ASTN2: variants seen among roughly 807,000 people sequenced by gnomAD.
ASTN2 encodes astrotactin-2.
A neutral mutation model predicts 139.8 loss-of-function variants in ASTN2; 54 were observed. That is an observed-to-expected ratio of 0.39 (90% CI 0.31 to 0.48). The LOEUF (loss-of-function observed/expected upper bound fraction) is 0.48, where lower values mean the gene tolerates loss of function less well. ASTN2 is among the 20% of genes least tolerant of loss of function. The pLI, the probability that ASTN2 is intolerant of heterozygous loss-of-function variation, is 0.95. For missense variants in ASTN2, 1,565 were observed against 1,725.1 expected (o/e 0.91, Z 1.64); for synonymous variants, 756 against 719.5 (o/e 1.05, Z -0.81).
chr9:116,986,267 T>C (rs1836680496), intron 7 of ASTN2, among the ~76,000 whole-genome samples: 1 of 151,100 alleles, frequency 6.6e-6, no homozygotes, highest in Non-Finnish European at 1.5e-5. Context: ...TTCCTCCTTT[T>C]CTCCTCCCGA....
At chr9:116,971,226 A>G (rs993742297) in intron 10 of ASTN2, among the ~76,000 whole-genome samples, 1 of 152,178 alleles carries the variant, frequency 6.6e-6, no homozygotes, top group African/African-American at 2.4e-5. Context: ...AGTGTCTCAA[A>G]TGCTAAAATC....
At position 116,728,854 on chromosome 9, in the gene ASTN2, C is replaced by T. The variant is rs1405594419; in HGVS notation, c.2626+138G>A. 8 of 694,224 alleles carry T rather than the reference C, an allele frequency of 1.2e-5. No individual in the cohort carries two copies. In the East Asian group the frequency reaches 1.6e-4, roughly 14 times the overall value. The allele number at this position is 694,224 out of a possible 1,614,324, so 43.0% of individuals were successfully genotyped here. ...TCCTGTCCACCCACCCTCCCTAGGA[C>T]TCCTTGATGGCAGAGAGGATGCATC... On this transcript the variant is annotated intron_variant, in intron 15 of 22. Coordinates refer to ENST00000313400, the MANE Select transcript of ASTN2 (RefSeq NM_001365068.1).
rs755452424 is a variant in ASTN2, at chr9:116,423,530, T to G, written c.*2321A>C. Among the ~76,000 whole-genome samples the G allele has an allele frequency of 6.6e-6, 1 of 152,206 alleles. No homozygotes were observed. Among genetic ancestry groups the G allele is most frequent in the Non-Finnish European group, 1.5e-5 (1 of 68,032 alleles). ...ACAATGGAAAGCAACAGCAACCTGATAGCTCTCTGAAAACTTGGGACCCAG... is the reference window on the plus strand; with the variant it reads ...ACAATGGAAAGCAACAGCAACCTGAGAGCTCTCTGAAAACTTGGGACCCAG... On this transcript the variant is annotated 3_prime_UTR_variant, in exon 23 of 23. Transcript: ENST00000313400.
intron 11 of ASTN2, among the ~76,000 whole-genome samples, chr9:116,834,394 A>C (rs943723025): frequency 1.3e-5 from 2 of 152,196 alleles, no homozygotes; most frequent in Non-Finnish European, 2.9e-5. Context: ...GGGGTATTGA[A>C]GTATCCAACC....
At chr9:116,485,895 G>T (rs1849323546) in intron 20 of ASTN2, among the ~76,000 whole-genome samples, 2 of 152,184 alleles carry the variant, frequency 1.3e-5, no homozygotes, top group Admixed American at 1.3e-4. Flanking sequence ...TATCTCAAGT[G>T]TTCAAAAGGG....
chr9:116,913,236 G>T (rs992405220), intron 10 of ASTN2, among the ~76,000 whole-genome samples: 3 of 152,066 alleles, frequency 2.0e-5, no homozygotes, highest in African/African-American at 7.2e-5. Context: ...CTGAGCCTTT[G>T]GTTTCTCATA....
chr9:116,944,487 C>T lies in ASTN2; in HGVS notation c.1889+30721G>A, dbSNP rs1835325997. Among the ~76,000 whole-genome samples the T allele has an allele frequency of 4.0e-5, 6 of 151,840 alleles. No homozygotes were observed. In the South Asian group the frequency reaches 1.3e-3, roughly 32 times the overall value. On this transcript the variant is annotated intron_variant, in intron 10 of 22. Transcript: ENST00000313400. Reference sequence around the variant, plus strand: ...CCTGAGGTCAAAAGTTTGAGACCAGCCTGGCCAACATGGGGAAATCCTGCC... The same window carrying T: ...CCTGAGGTCAAAAGTTTGAGACCAGTCTGGCCAACATGGGGAAATCCTGCC...
intron 19 of ASTN2, among the ~76,000 whole-genome samples, chr9:116,525,731 C>T (rs1394063109): frequency 6.6e-6 from 1 of 152,126 alleles, no homozygotes; most frequent in Non-Finnish European, 1.5e-5. Flanking sequence ...CTTTATCCTG[C>T]AGGTGCCAGC....
intron 10 of ASTN2, among the ~76,000 whole-genome samples, chr9:116,928,985 A>C (rs1312499315): frequency 6.6e-6 from 1 of 152,218 alleles, no homozygotes; most frequent in African/African-American, 2.4e-5. Flanking sequence ...GCAGAATCAA[A>C]ATAAGAATCC....
intron 3 of ASTN2, among the ~76,000 whole-genome samples, chr9:117,201,262 T>C (rs1831707626): frequency 6.6e-6 from 1 of 152,118 alleles, no homozygotes; most frequent in African/African-American, 2.4e-5. Flanking sequence ...GATTCTTCTC[T>C]CTGTTCTTCA....
At position 116,573,089 on chromosome 9, in the gene ASTN2, A is replaced by T. The variant is rs1853589360; in HGVS notation, c.3355+45235T>A. Among the ~76,000 whole-genome samples, 3 of 152,136 alleles carry T rather than the reference A, an allele frequency of 2.0e-5. No individual in the cohort carries two copies. In the South Asian group the frequency reaches 6.2e-4, roughly 32 times the overall value. ...GAACATCCAACAGCCTGCATGGCTA[A>T]TATCGTGGGGTTTGAGAATATACAC... is the stretch of plus-strand genomic sequence containing the variant. On this transcript the variant is annotated intron_variant, in intron 19 of 22. Transcript: ENST00000313400.
intron 4 of ASTN2, among the ~76,000 whole-genome samples, chr9:117,107,784 C>G (rs747205801): frequency 2.0e-5 from 3 of 152,184 alleles, no homozygotes; most frequent in Non-Finnish European, 4.4e-5. Flanking sequence ...TAAATCTGGT[C>G]TTTCCTATCA....
At chr9:117,093,296 C>G (rs1828752990) in intron 5 of ASTN2, among the ~76,000 whole-genome samples, 2 of 152,220 alleles carry the variant, frequency 1.3e-5, no homozygotes, top group South Asian at 4.1e-4. Context: ...CTCTCCCTCC[C>G]TATCTCCACC....
intron 1 of ASTN2, among the ~76,000 whole-genome samples, chr9:117,375,326 C>T (rs1274766894): frequency 6.6e-6 from 1 of 152,184 alleles, no homozygotes; most frequent in Admixed American, 6.5e-5. Flanking sequence ...AAAGAGTTAA[C>T]AAATACCACA....
chr9:117,180,490 G>A lies in ASTN2; in HGVS notation c.1015+33868C>T, dbSNP rs181365376. The A allele has an allele frequency of 1.4e-3, 794 of 587,370 alleles. 2 individuals are homozygous for A. The highest frequency in any genetic ancestry group is 5.0e-3 in the Middle Eastern group (11 of 2,206). 36.4% of individuals were successfully genotyped at this position (587,370 alleles called of 1,614,324 possible). ...CTTGAGGGAAGTTCTCATCCACATC[G>A]TCAGCACATTTGAATGCCATTTCCT... On this transcript the variant is annotated intron_variant, in intron 3 of 22. Transcript: ENST00000313400.
intron 20 of ASTN2, among the ~76,000 whole-genome samples, chr9:116,443,094 T>C (rs922978527): frequency 6.6e-6 from 1 of 151,990 alleles, no homozygotes; most frequent in Non-Finnish European, 1.5e-5. Flanking sequence ...TGAAAGAAAA[T>C]ATACCAGAAT....
chr9:117,095,577 A>G (rs755283872), intron 5 of ASTN2, among the ~76,000 whole-genome samples: 1 of 152,142 alleles, frequency 6.6e-6, no homozygotes, highest in Non-Finnish European at 1.5e-5. Flanking sequence ...CTTTCCCATT[A>G]ACCCTGTACA....
At chr9:116,904,406 G>A (rs114393652) in intron 10 of ASTN2, among the ~76,000 whole-genome samples, 3,606 of 152,212 alleles carry the variant, frequency 0.024, 56 homozygotes, top group Middle Eastern at 0.1. Context: ...GTCTGGTCAG[G>A]CTGTTCATAT....
At chr9:117,217,390 G>C (rs995048160) in intron 2 of ASTN2, among the ~76,000 whole-genome samples, 1 of 152,118 alleles carries the variant, frequency 6.6e-6, no homozygotes, top group Non-Finnish European at 1.5e-5. Context: ...GATTATGGTT[G>C]TGGGACTCTG....
Sources: allele counts gnomAD v4.1 joint callset (sites outside exome capture counted in the v4.1 genomes callset), GRCh38; gene constraint gnomAD v4.1.1; transcripts MANE v1.5; gene names NCBI Gene and HGNC (gene_info 2026-07-23, HGNC 2026-07-21).